Variants in FRMD4A observed in about 807,000 individuals in gnomAD.
FRMD4A encodes FERM domain-containing protein 4A.
FRMD4A carries 29 observed loss-of-function variants against 129.1 expected under a neutral mutation model. The ratio of observed to expected loss-of-function variants is 0.22; its 90% CI spans 0.17 to 0.31. The LOEUF (loss-of-function observed/expected upper bound fraction) is 0.31. FRMD4A is among the 10% of genes least tolerant of loss of function. FRMD4A has a pLI of 1.00. For missense variants in FRMD4A, 1,272 were observed against 1,375.8 expected (o/e 0.92, Z 1.19); for synonymous variants, 634 against 571.6 (o/e 1.11, Z -1.56).
chr10:14,020,907 A>G (rs1832715820), intron 2 of FRMD4A, among the ~76,000 whole-genome samples: 1 of 152,170 alleles, frequency 6.6e-6, no homozygotes, highest in South Asian at 2.1e-4. Context: ...AGGCGACTTA[A>G]AACAGATGCC....
intron 2 of FRMD4A, among the ~76,000 whole-genome samples, chr10:13,977,617 T>A (rs2095546497): frequency 6.6e-6 from 1 of 152,218 alleles, no homozygotes; most frequent in African/African-American, 2.4e-5. Flanking sequence ...AACATTTTCA[T>A]CCCCCAAAAG....
chr10:13,789,558 C>CCA (rs3220780), intron 5 of FRMD4A, among the ~76,000 whole-genome samples: 7,488 of 144,346 alleles, frequency 0.052, 309 homozygotes, highest in African/African-American at 0.11. Context: ...TATGAAAAGA[C>CCA]CACACACACA....
intron 2 of FRMD4A, among the ~76,000 whole-genome samples, chr10:14,000,780 C>T (rs896629066): frequency 6.6e-6 from 1 of 151,496 alleles, no homozygotes; most frequent in Non-Finnish European, 1.5e-5. Flanking sequence ...ATGCACCAGT[C>T]AAGAAAAGAA....
Position 14,060,393 on chromosome 10 carries a change from A to G in FRMD4A, c.46-201481T>C, listed in dbSNP as rs1834751609. Among the ~76,000 whole-genome samples the G allele has an allele frequency of 2.0e-5, 3 of 152,300 alleles. No individual in the cohort carries two copies. The South Asian group carries it at 6.2e-4, about 32-fold the overall frequency. On this transcript the variant is annotated intron_variant, in intron 2 of 24. Coordinates refer to ENST00000357447, the MANE Select transcript of FRMD4A (RefSeq NM_018027.5). ...ACTCTATGAAATAGGTACTATTATT[A>G]CAATCCTGTTTTGCATAAGAGAAAA... is the stretch of plus-strand genomic sequence containing the variant.
rs1408831258 is a variant in FRMD4A, at chr10:13,666,029, G to A, written c.1603+68C>T. The A allele has an allele frequency of 2.7e-5, 24 of 877,784 alleles. No individual in the cohort carries two copies. In the East Asian group the frequency reaches 5.0e-4, roughly 18 times the overall value. 54.4% of individuals were successfully genotyped at this position (877,784 alleles called of 1,614,324 possible). A position where few individuals can be genotyped will look rare whatever the true frequency, so the allele number is the denominator to read the frequency against. The stretch of plus-strand genomic sequence containing the variant: ...TCAGGTCGTGCAGGGACCACTCGTG[G>A]GACCTGGCGTCTGGTTGCCGGGGCC... On this transcript the variant is annotated intron_variant, in intron 18 of 24. Transcript: ENST00000357447.
intron 2 of FRMD4A, among the ~76,000 whole-genome samples, chr10:14,243,776 C>T (rs1279962382): frequency 1.3e-5 from 2 of 150,124 alleles, no homozygotes; most frequent in African/African-American, 4.9e-5. Flanking sequence ...TGCTATTAAA[C>T]TGAACACTTA....
intron 2 of FRMD4A, among the ~76,000 whole-genome samples, chr10:13,869,021 T>C (rs2094408578): frequency 6.6e-6 from 1 of 152,334 alleles, no homozygotes; most frequent in South Asian, 2.1e-4. Context: ...GGCTGGCGTT[T>C]TACTTGCGGA....
chr10:14,171,131 A>G (rs924235712), intron 2 of FRMD4A, among the ~76,000 whole-genome samples: 2 of 152,138 alleles, frequency 1.3e-5, no homozygotes, highest in African/African-American at 4.8e-5. Context: ...AAAAGGACAC[A>G]TTAAAAAAAT....
chr10:13,981,822 T>G (rs1260166499), intron 2 of FRMD4A, among the ~76,000 whole-genome samples: 1 of 151,308 alleles, frequency 6.6e-6, no homozygotes, highest in Admixed American at 6.6e-5. Flanking sequence ...CAATTTTCTG[T>G]TCTTCCTGTT....
At chr10:14,199,042 T>G (rs1284668658) in intron 2 of FRMD4A, among the ~76,000 whole-genome samples, 1 of 152,162 alleles carries the variant, frequency 6.6e-6, no homozygotes, top group Non-Finnish European at 1.5e-5. Flanking sequence ...TTTCCGTGTT[T>G]TCTCTTAAAA....
At chr10:14,148,719 G>A (rs577413528) in intron 2 of FRMD4A, among the ~76,000 whole-genome samples, 6 of 150,784 alleles carry the variant, frequency 4.0e-5, no homozygotes, top group Non-Finnish European at 5.9e-5. Flanking sequence ...CCGAGATTGC[G>A]CCACTGCACT....
At position 13,925,566 on chromosome 10, in the gene FRMD4A, C is replaced by CTTTTTTT. The variant is rs66980805; in HGVS notation, c.46-66661_46-66655dup. ...TGAAAGTTTCTATTGTAGTGAAACG[C>CTTTTTTT]TTTTTTTTTTTTTTTTTTTTTTTTT... On this transcript the variant is annotated intron_variant, in intron 2 of 24. Transcript: ENST00000357447. 7.1e-3 allele frequency among the ~76,000 whole-genome samples: 439 copies of CTTTTTTT among 61,892 alleles called. 98 individuals carry two copies. Among genetic ancestry groups the CTTTTTTT allele is most frequent in the East Asian group, 0.025 (31 of 1,244 alleles). The allele number at this position is 61,892 out of a possible 152,430, so 40.6% of individuals were successfully genotyped here. A position where few individuals can be genotyped will look rare whatever the true frequency, so the allele number is the denominator to read the frequency against.
intron 5 of FRMD4A, among the ~76,000 whole-genome samples, chr10:13,791,138 T>C (rs1352925378): frequency 2.0e-5 from 3 of 152,126 alleles, no homozygotes; most frequent in Non-Finnish European, 4.4e-5. Context: ...GAAGTAGGAC[T>C]AGGAGCTCCC....
chr10:14,238,381 G>A (rs1229982186), intron 2 of FRMD4A, among the ~76,000 whole-genome samples: 1 of 152,142 alleles, frequency 6.6e-6, no homozygotes, highest in Non-Finnish European at 1.5e-5. Flanking sequence ...CAAGAAATTC[G>A]ATAGTCACCA....
rs5783377 is a variant in FRMD4A at position 14,010,123 on chromosome 10, G to C, written c.46-151211C>G. On this transcript the variant is annotated intron_variant, in intron 2 of 24. Coordinates refer to ENST00000357447, the MANE Select transcript of FRMD4A (RefSeq NM_018027.5). ...TCCAGCTCAGTTTTGGGGTCGGTGG[G>C]GGGGACAATGATGAGATGGACTGAG... Among the ~76,000 whole-genome samples, 53 of 100,954 alleles carry C rather than the reference G, an allele frequency of 5.2e-4. No homozygotes were observed. The Middle Eastern group carries it at 0.016, about 30-fold the overall frequency. The allele number at this position is 100,954 out of a possible 152,430, so 66.2% of individuals were successfully genotyped here. A position where few individuals can be genotyped will look rare whatever the true frequency, so the allele number is the denominator to read the frequency against.
intron 2 of FRMD4A, among the ~76,000 whole-genome samples, chr10:14,095,527 A>T (rs1836906560): frequency 1.3e-5 from 2 of 152,288 alleles, no homozygotes; most frequent in African/African-American, 2.4e-5. Flanking sequence ...GAGCCGAAGC[A>T]CCTCGCCGGG....
intron 2 of FRMD4A, among the ~76,000 whole-genome samples, chr10:14,129,587 C>A (rs1169119546): frequency 6.6e-6 from 1 of 151,770 alleles, no homozygotes; most frequent in Non-Finnish European, 1.5e-5. Context: ...AGGCCCGCCC[C>A]TGGAAACAGA....
At chr10:14,288,584 A>T (rs1301529052) in intron 2 of FRMD4A, among the ~76,000 whole-genome samples, 1 of 152,140 alleles carries the variant, frequency 6.6e-6, no homozygotes, top group Non-Finnish European at 1.5e-5. Context: ...AAAAAATATT[A>T]ATTTATTTTT....
intron 4 of FRMD4A, among the ~76,000 whole-genome samples, chr10:13,810,506 A>G (rs2093426977): frequency 6.6e-6 from 1 of 152,268 alleles, no homozygotes; most frequent in Admixed American, 6.5e-5. Context: ...TAACTTAAAT[A>G]GAAAACAAAC....
Sources: allele counts gnomAD v4.1 joint callset (sites outside exome capture counted in the v4.1 genomes callset), GRCh38; gene constraint gnomAD v4.1.1; transcripts MANE v1.5; gene names NCBI Gene and HGNC (gene_info 2026-07-23, HGNC 2026-07-21).